Variants in BRINP3 observed in about 807,000 individuals in gnomAD.
BRINP3 encodes the protein BMP/retinoic acid inducible neural specific 3.
Under a neutral mutation model 71.0 loss-of-function variants are expected in BRINP3, and 19 were observed. The ratio of observed to expected loss-of-function variants is 0.27; its 90% CI spans 0.19 to 0.39. The LOEUF is 0.39. BRINP3 is among the 10% of genes least tolerant of loss of function. BRINP3 has a pLI of 1.00. For synonymous variants in BRINP3, 380 were observed against 337.7 expected, an observed-to-expected ratio of 1.13 and a Z score of -1.37; for missense variants, 959 against 940.8, an observed-to-expected ratio of 1.02 and a Z score of -0.25.
intron 7 of BRINP3, among the ~76,000 whole-genome samples, chr1:190,129,012 T>C (rs1314890047): frequency 1.3e-5 from 2 of 151,846 alleles, no homozygotes; most frequent in African/African-American, 2.4e-5. Context: ...AAGTTCTGAT[T>C]TGATTTGCAA....
At chr1:190,395,579 T>C (rs1671514535) in intron 2 of BRINP3, among the ~76,000 whole-genome samples, 1 of 151,778 alleles carries the variant, frequency 6.6e-6, no homozygotes, top group African/African-American at 2.4e-5. Flanking sequence ...TTTTATAATA[T>C]ATGATTGGGT....
At chr1:190,341,187 T>C (rs1667633523) in intron 2 of BRINP3, among the ~76,000 whole-genome samples, 1 of 151,840 alleles carries the variant, frequency 6.6e-6, no homozygotes, top group Non-Finnish European at 1.5e-5. Context: ...GTAATTTTTG[T>C]TCTTCACATT....
chr1:190,423,908 C>T (rs1049688490), intron 2 of BRINP3, among the ~76,000 whole-genome samples: 10 of 151,740 alleles, frequency 6.6e-5, no homozygotes, highest in Admixed American at 2.0e-4. Context: ...TTAAGCAATG[C>T]GAAGCAAGTT....
chr1:190,158,193 G>A (rs1299384855), intron 7 of BRINP3, among the ~76,000 whole-genome samples: 1 of 151,988 alleles, frequency 6.6e-6, no homozygotes, highest in African/African-American at 2.4e-5. Flanking sequence ...AGTCTCATGA[G>A]ATTTGATAGT....
In BRINP3 at chr1:190,099,199, G is replaced by T; in HGVS notation, c.1185-65C>A. 6 of 1,463,726 alleles carry T rather than the reference G, an allele frequency of 4.1e-6. No homozygotes were observed. The South Asian group carries it at 8.1e-5, about 20-fold the overall frequency. 90.7% of individuals were successfully genotyped at this position (1,463,726 alleles called of 1,614,324 possible). Reference sequence around the variant, plus strand: ...GATATTCTGTGTACTGCAGTAAACCGTAGCTCAGAAATCTTTGCTATCATT... The same window carrying T: ...GATATTCTGTGTACTGCAGTAAACCTTAGCTCAGAAATCTTTGCTATCATT... On this transcript the variant is annotated intron_variant, in intron 7 of 7. Transcript: ENST00000367462.
chr1:190,177,295 T>G (rs1044724607), intron 6 of BRINP3, among the ~76,000 whole-genome samples: 1 of 150,012 alleles, frequency 6.7e-6, no homozygotes, highest in Admixed American at 6.7e-5. Flanking sequence ...CCTGAGTAGC[T>G]GGGACTACAG....
At position 190,226,228 on chromosome 1, in the gene BRINP3, A is replaced by T. The variant is rs1210978304; in HGVS notation, c.815T>A (p.Ile272Asn). ...ACACCAGCAGTCATTTTCCTTGCAG[A>T]TAAACTCTCCCTCTGAATTGCAAGC... is the stretch of plus-strand genomic sequence containing the variant. ...YIACNSEGEF[I>N]CKENDCWCHC... Residue 272 changes from isoleucine to asparagine, a missense_variant, in exon 6 of 8, where the codon ATC becomes AAC. Transcript: ENST00000367462. 4 of 1,612,500 alleles carry T rather than the reference A, an allele frequency of 2.5e-6. No homozygotes were observed. Among genetic ancestry groups the T allele is most frequent in the African/African-American group, 1.3e-5 (1 of 74,828 alleles).
At chr1:190,314,909 A>T (rs1665779712) in intron 2 of BRINP3, among the ~76,000 whole-genome samples, 1 of 152,152 alleles carries the variant, frequency 6.6e-6, no homozygotes, top group East Asian at 1.9e-4. Flanking sequence ...AAACAAAAAC[A>T]AGAAGTACTT....
intron 6 of BRINP3, among the ~76,000 whole-genome samples, chr1:190,221,074 C>T (rs1408490428): frequency 3.3e-5 from 5 of 152,002 alleles, no homozygotes; most frequent in South Asian, 2.1e-4. Flanking sequence ...AAAAATTAGT[C>T]GGGCATGGTG....
At chr1:190,396,282 T>C (rs1671561389) in intron 2 of BRINP3, among the ~76,000 whole-genome samples, 1 of 151,932 alleles carries the variant, frequency 6.6e-6, no homozygotes, top group Non-Finnish European at 1.5e-5. Context: ...CAGCTTTTAG[T>C]TCCGTTTAAA....
At chr1:190,285,826 A>G (rs1663383092) in intron 2 of BRINP3, among the ~76,000 whole-genome samples, 1 of 152,132 alleles carries the variant, frequency 6.6e-6, no homozygotes, top group Non-Finnish European at 1.5e-5. Flanking sequence ...GCGCTGAATT[A>G]AAAACATGCT....
intron 4 of BRINP3, among the ~76,000 whole-genome samples, chr1:190,245,696 G>C (rs1659531385): frequency 6.6e-6 from 1 of 151,546 alleles, no homozygotes. Context: ...TTGGTGTGCT[G>C]CACCCATCAA....
intron 2 of BRINP3, among the ~76,000 whole-genome samples, chr1:190,419,894 A>C (rs529318230): frequency 6.6e-6 from 1 of 152,072 alleles, no homozygotes; most frequent in East Asian, 1.9e-4. Context: ...TCAATATGAC[A>C]ATGAAACCAA....
intron 5 of BRINP3, among the ~76,000 whole-genome samples, chr1:190,226,761 T>C (rs1182562607): frequency 6.6e-6 from 1 of 151,978 alleles, no homozygotes; most frequent in Admixed American, 6.6e-5. Context: ...TAATGGGTTG[T>C]GCCATTGATA....
At chr1:190,464,011 T>G (rs895359932) in intron 1 of BRINP3, among the ~76,000 whole-genome samples, 1 of 151,862 alleles carries the variant, frequency 6.6e-6, no homozygotes, top group Non-Finnish European at 1.5e-5. Flanking sequence ...TTGCTTTATC[T>G]TTATCTTCTG....
intron 6 of BRINP3, among the ~76,000 whole-genome samples, chr1:190,168,241 A>G (rs1043047121): frequency 2.6e-5 from 4 of 152,104 alleles, no homozygotes; most frequent in Non-Finnish European, 5.9e-5. Context: ...AGCAAGACAT[A>G]GGTCTGGCAA....
intron 4 of BRINP3, among the ~76,000 whole-genome samples, chr1:190,248,627 C>G (rs1407178455): frequency 6.6e-6 from 1 of 151,406 alleles, no homozygotes; most frequent in Admixed American, 6.6e-5. Context: ...TAGTTCTAAA[C>G]TAGGATATCA....
At chr1:190,215,857 G>A (rs1656367994) in intron 6 of BRINP3, among the ~76,000 whole-genome samples, 2 of 151,864 alleles carry the variant, frequency 1.3e-5, no homozygotes. Flanking sequence ...TATATGCCAA[G>A]TGGTAACACA....
intron 2 of BRINP3, among the ~76,000 whole-genome samples, chr1:190,440,927 A>G (rs1674774131): frequency 1.3e-5 from 2 of 151,994 alleles, no homozygotes; most frequent in South Asian, 4.1e-4. Context: ...ATACAATTCT[A>G]ATATACAAAA....
Sources: allele counts gnomAD v4.1 joint callset (sites outside exome capture counted in the v4.1 genomes callset), GRCh38; gene constraint gnomAD v4.1.1; transcripts MANE v1.5; gene names NCBI Gene and HGNC (gene_info 2026-07-23, HGNC 2026-07-21).